MAST2: variants seen among roughly 807,000 people sequenced by gnomAD.
MAST2 encodes microtubule-associated serine/threonine-protein kinase 2.
Under a neutral mutation model 147.4 loss-of-function variants are expected in MAST2, and 70 were observed. The observed-to-expected ratio is 0.47, with a 90% CI of 0.39 to 0.58. MAST2 has a LOEUF of 0.58. MAST2 is among the 20% of genes least tolerant of loss of function. The pLI is 0.00. For missense variants in MAST2, 2,080 were observed against 2,302.3 expected (o/e 0.90, Z 1.98); for synonymous variants, 869 against 896.8 (o/e 0.97, Z 0.55).
At chr1:46,019,033 C>G (rs1283545768) in intron 10 of MAST2, among the ~76,000 whole-genome samples, 1 of 152,098 alleles carries the variant, frequency 6.6e-6, no homozygotes, top group African/African-American at 2.4e-5. Context: ...CTTCTTTCAC[C>G]CCTTATCTGC....
chr1:45,871,683 G>C (rs1474702351), intron 3 of MAST2, among the ~76,000 whole-genome samples: 1 of 152,062 alleles, frequency 6.6e-6, no homozygotes, highest in African/African-American at 2.4e-5. Context: ...TAAACTGAAA[G>C]TCAGTTTGAT....
chr1:45,934,430 G>A (rs774151553), intron 4 of MAST2, among the ~76,000 whole-genome samples: 33 of 151,900 alleles, frequency 2.2e-4, no homozygotes, highest in Non-Finnish European at 2.9e-5. Flanking sequence ...AGCTTGCAGT[G>A]AGCTGAGATT....
chr1:45,822,405 T>A (rs1016868303), intron 1 of MAST2, among the ~76,000 whole-genome samples: 2 of 152,044 alleles, frequency 1.3e-5, no homozygotes, highest in African/African-American at 2.4e-5. Context: ...TAAGAAGGGG[T>A]GTGATCCTCT....
intron 3 of MAST2, among the ~76,000 whole-genome samples, chr1:45,873,412 G>C (rs1646478763): frequency 1.3e-5 from 2 of 151,900 alleles, no homozygotes; most frequent in Non-Finnish European, 2.9e-5. Flanking sequence ...TGCTCAGGCT[G>C]GTCTTGAACT....
chr1:46,008,335 A>C lies in MAST2; in HGVS notation c.942A>C (p.Ile314=). 6.2e-7 allele frequency: 1 copy of C among 1,612,800 alleles called. No individual in the cohort carries two copies. The highest frequency in any genetic ancestry group is 8.5e-7 in the Non-Finnish European group (1 of 1,178,770). ...CAGTATCCTTTGACAGTGAAATAATAATGATGAATCATGTTTACAAAGAAA... is the reference window on the plus strand; with the variant it reads ...CAGTATCCTTTGACAGTGAAATAATCATGATGAATCATGTTTACAAAGAAA... The part of the protein sequence containing the change: ...RSPVSFDSEI[I]MMNHVYKERF... Residue 314 remains isoleucine, a synonymous_variant, in exon 9 of 29, where the codon ATA becomes ATC. Transcript: ENST00000361297.
At chr1:45,926,366 A>G (rs1026834439) in intron 4 of MAST2, among the ~76,000 whole-genome samples, 11 of 152,152 alleles carry the variant, frequency 7.2e-5, no homozygotes. Context: ...TTTTGCTTCC[A>G]TTACTTTTTT....
At chr1:45,834,553 A>G (rs1645048585) in intron 3 of MAST2, among the ~76,000 whole-genome samples, 1 of 152,114 alleles carries the variant, frequency 6.6e-6, no homozygotes, top group Non-Finnish European at 1.5e-5. Context: ...TATTTATTAT[A>G]TGTTCTTAGG....
intron 3 of MAST2, among the ~76,000 whole-genome samples, chr1:45,846,011 C>T (rs1173830880): frequency 3.3e-5 from 5 of 152,164 alleles, no homozygotes; most frequent in Non-Finnish European, 5.9e-5. Flanking sequence ...CTGCCCGCCT[C>T]GGCCTCCCAA....
chr1:46,025,729 G>A lies in MAST2; in HGVS notation c.1833G>A (p.Met611Ile). The A allele has an allele frequency of 6.2e-7, 1 of 1,614,208 alleles. No individual in the cohort carries two copies. Among genetic ancestry groups the A allele is most frequent in the Non-Finnish European group, 8.5e-7 (1 of 1,180,036 alleles). The stretch of plus-strand genomic sequence containing the variant: ...ATATTGGGGCCCTGCCTGTGGACAT[G>A]GTGCGTCTATACTTTGCGGAAACTG... ...LKNIGALPVD[M>I]VRLYFAETVL... Residue 611 changes from methionine to isoleucine, a missense_variant, in exon 16 of 29, where the codon ATG becomes ATA. Met to Ile is a conservative substitution (Grantham distance 10). Transcript: ENST00000361297.
At chr1:45,905,351 A>G (rs1307757469) in intron 4 of MAST2, among the ~76,000 whole-genome samples, 1 of 151,314 alleles carries the variant, frequency 6.6e-6, no homozygotes, top group African/African-American at 2.4e-5. Context: ...CATCTGGCTA[A>G]TTTTTTTGTA....
chr1:45,856,761 G>A (rs1311192567), intron 3 of MAST2, among the ~76,000 whole-genome samples: 1 of 151,718 alleles, frequency 6.6e-6, no homozygotes, highest in Non-Finnish European at 1.5e-5. Context: ...TTGTATATAC[G>A]TGGGGAGAAG....
intron 4 of MAST2, among the ~76,000 whole-genome samples, chr1:45,947,778 C>G (rs7527079): frequency 0.34 from 51,612 of 152,072 alleles, 9,143 homozygotes; most frequent in African/African-American, 0.43. Context: ...GTGTAGAGGG[C>G]CCATCTCGGC....
At chr1:45,889,336 G>C (rs577216819) in intron 4 of MAST2, among the ~76,000 whole-genome samples, 3 of 151,586 alleles carry the variant, frequency 2.0e-5, no homozygotes, top group Non-Finnish European at 4.4e-5. Flanking sequence ...ACAGGTGCAC[G>C]CCGCCACACC....
At chr1:45,966,564 C>T (rs928919863) in intron 5 of MAST2, among the ~76,000 whole-genome samples, 1 of 152,058 alleles carries the variant, frequency 6.6e-6, no homozygotes, top group Admixed American at 6.5e-5. Flanking sequence ...AATGTCGTCT[C>T]TACTAAAAAT....
intron 3 of MAST2, among the ~76,000 whole-genome samples, chr1:45,873,697 ATATTTT>A (rs1299286464): frequency 2.4e-4 from 37 of 152,208 alleles, no homozygotes; most frequent in Middle Eastern, 3.2e-3. Context: ...TTGCATTCAC[ATATTTT>A]TCTGAGTCCT....
chr1:45,885,843 T>TA (rs1204192189), intron 4 of MAST2, among the ~76,000 whole-genome samples: 1 of 152,074 alleles, frequency 6.6e-6, no homozygotes, highest in Admixed American at 6.5e-5. Context: ...CCATTCTACT[T>TA]AAGAGAGACA....
Position 46,035,981 on chromosome 1 carries a change from G to T in MAST2, c.5312G>T (p.Ser1771Ile). ...GCPLTQKSEP[S>I]LRRGQEPGGH... ...CCCCTCACCCAGAAGTCTGAGCCCAGCCTCAGGAGGGGCCAAGAACCAGGG... is the reference window on the plus strand; with the variant it reads ...CCCCTCACCCAGAAGTCTGAGCCCATCCTCAGGAGGGGCCAAGAACCAGGG... Residue 1771 changes from serine to isoleucine, a missense_variant, in exon 29 of 29, where the codon AGC becomes ATC. Physicochemically the swap from Ser to Ile is moderately radical, Grantham distance 142. Around this residue, in one of 4 missense-constraint regions of MAST2, gnomAD observed 1,278 missense variants for 1,304.2 expected, o/e 0.98. Coordinates refer to ENST00000361297, the MANE Select transcript of MAST2 (RefSeq NM_015112.3). This position sits in a 1 kb window ranked among gnomAD's most constrained non-coding sequence, Gnocchi z 5.5. The T allele has an allele frequency of 1.9e-6, 3 of 1,613,930 alleles. No individual in the cohort carries two copies. The highest frequency in any genetic ancestry group is 2.5e-6 in the Non-Finnish European group (3 of 1,180,034).
At chr1:45,861,545 G>C (rs1052578360) in intron 3 of MAST2, among the ~76,000 whole-genome samples, 4 of 150,970 alleles carry the variant, frequency 2.6e-5, no homozygotes, top group African/African-American at 9.8e-5. Flanking sequence ...CAAATATTTT[G>C]TTACCTGTAC....
At chr1:45,889,006 GT>G (rs1647257472) in intron 4 of MAST2, among the ~76,000 whole-genome samples, 1 of 151,790 alleles carries the variant, frequency 6.6e-6, no homozygotes, top group Non-Finnish European at 1.5e-5. Context: ...ACTACCACTG[GT>G]TTGTCCAGAT....
Sources: gnomAD v4.1 joint callset for allele counts (sites outside exome capture counted in the v4.1 genomes callset) on GRCh38, gnomAD v4.1.1 for gene constraint, gnomAD v4.1.1 regional missense constraint, Gnocchi (gnomAD v3.1) non-coding constraint, MANE v1.5 for transcripts, NCBI Gene and HGNC (gene_info 2026-07-23, HGNC 2026-07-21) for gene names.